TAFA1: variants seen among roughly 807,000 people sequenced by gnomAD.
The protein encoded by TAFA1 is TAFA chemokine like family member 1, also known as chemokine-like protein TAFA-1.
TAFA1 carries 4 observed loss-of-function variants against 18.5 expected under a neutral mutation model. The observed-to-expected ratio is 0.22, with a 90% CI of 0.11 to 0.49. The LOEUF (loss-of-function observed/expected upper bound fraction) is 0.49, where lower values mean the gene tolerates loss of function less well. TAFA1 is among the 20% of genes least tolerant of loss of function. TAFA1 has a pLI of 0.98. For synonymous variants in TAFA1, 56 were observed against 55.2 expected (o/e 1.01, Z -0.06); for missense variants, 147 against 169.0 (o/e 0.87, Z 0.72).
intron 3 of TAFA1, among the ~76,000 whole-genome samples, chr3:68,464,928 TC>T (rs1404937516): frequency 6.6e-6 from 1 of 152,156 alleles, no homozygotes; most frequent in African/African-American, 2.4e-5. Context: ...GTTTCCCCCT[TC>T]TTCCTTAATC....
intron 2 of TAFA1, among the ~76,000 whole-genome samples, chr3:68,387,981 C>G (rs1433448078): frequency 6.6e-6 from 1 of 152,118 alleles, no homozygotes; most frequent in African/African-American, 2.4e-5. Context: ...CTTCCCTGTT[C>G]CACTAAAATA....
Position 68,524,429 on chromosome 3 carries a change from A to T in TAFA1, c.260-14327A>T, listed in dbSNP as rs116064028. On this transcript the variant is annotated intron_variant, in intron 3 of 4. Coordinates refer to ENST00000478136, the MANE Select transcript of TAFA1 (RefSeq NM_213609.4). ...ACAGGCAAAGTCAGTGCACAGAGGC[A>T]GGTGTAGAAGAGGAAGCATTTGTAA... 2.7e-3 allele frequency among the ~76,000 whole-genome samples: 413 copies of T among 152,340 alleles called. 1 individual carries two copies. Among genetic ancestry groups the T allele is most frequent in the African/African-American group, 9.3e-3 (388 of 41,578 alleles).
At chr3:68,037,984 C>A (rs758047751) in intron 2 of TAFA1, among the ~76,000 whole-genome samples, 3 of 152,086 alleles carry the variant, frequency 2.0e-5, no homozygotes, top group Non-Finnish European at 2.9e-5. Context: ...GACAACTTTC[C>A]ATAGATTGCA....
chr3:68,209,250 C>A (rs1012936643), intron 2 of TAFA1, among the ~76,000 whole-genome samples: 2 of 151,956 alleles, frequency 1.3e-5, no homozygotes, highest in African/African-American at 4.8e-5. Flanking sequence ...CTAAAACATG[C>A]CAGCCTCCTG....
chr3:68,502,039 G>A (rs1326509905), intron 3 of TAFA1, among the ~76,000 whole-genome samples: 2 of 152,280 alleles, frequency 1.3e-5, no homozygotes, highest in East Asian at 1.9e-4. Context: ...CTGGGCCTTA[G>A]TACATGGAAA....
At chr3:68,038,675 A>G (rs958972709) in intron 2 of TAFA1, among the ~76,000 whole-genome samples, 1 of 152,204 alleles carries the variant, frequency 6.6e-6, no homozygotes, top group Non-Finnish European at 1.5e-5. Flanking sequence ...TGTTAAAAAA[A>G]AAAAACTTTA....
chr3:68,082,570 C>T (rs1220236144), intron 2 of TAFA1, among the ~76,000 whole-genome samples: 1 of 152,146 alleles, frequency 6.6e-6, no homozygotes, highest in East Asian at 1.9e-4. Context: ...ATGCATAGTA[C>T]TTAAATTATT....
At chr3:68,368,067 G>A (rs959303399) in intron 2 of TAFA1, among the ~76,000 whole-genome samples, 6 of 152,072 alleles carry the variant, frequency 3.9e-5, no homozygotes, top group Admixed American at 6.6e-5. Flanking sequence ...TGAAAAATAA[G>A]CCATTCTACG....
At chr3:68,219,412 AGCACTCTGTT>A (rs1283052688) in intron 2 of TAFA1, among the ~76,000 whole-genome samples, 1 of 152,182 alleles carries the variant, frequency 6.6e-6, no homozygotes. Flanking sequence ...GTCATGTTTT[AGCACTCTGTT>A]ACCCTATCTT....
At chr3:68,264,707 T>C (rs988580802) in intron 2 of TAFA1, among the ~76,000 whole-genome samples, 2 of 151,564 alleles carry the variant, frequency 1.3e-5, no homozygotes, top group African/African-American at 4.9e-5. Flanking sequence ...AAAGTATATA[T>C]AGATAATTTC....
chr3:68,526,347 T>G (rs2073111303), intron 3 of TAFA1, among the ~76,000 whole-genome samples: 1 of 152,208 alleles, frequency 6.6e-6, no homozygotes, highest in Admixed American at 6.5e-5. Flanking sequence ...TATTTAAATT[T>G]TATTTATATC....
chr3:68,069,249 A>G (rs2064722012), intron 2 of TAFA1, among the ~76,000 whole-genome samples: 1 of 152,254 alleles, frequency 6.6e-6, no homozygotes, highest in Non-Finnish European at 1.5e-5. Flanking sequence ...TTAGAGTTCC[A>G]TGTGGCTGGG....
chr3:68,343,241 T>C (rs532089819), intron 2 of TAFA1, among the ~76,000 whole-genome samples: 40 of 152,282 alleles, frequency 2.6e-4, no homozygotes, highest in African/African-American at 9.6e-4. Flanking sequence ...CAAGTATAAG[T>C]CTTCAGACCA....
chr3:68,278,031 A>G (rs914673793), intron 2 of TAFA1, among the ~76,000 whole-genome samples: 12 of 152,140 alleles, frequency 7.9e-5, no homozygotes, highest in Admixed American at 2.6e-4. Flanking sequence ...TCCTTACACA[A>G]ATGAGTGACT....
intron 3 of TAFA1, 133 bp from the exon 4 acceptor site, chr3:68,538,622 TC>T: frequency 1.3e-6 from 1 of 751,014 alleles, no homozygotes; most frequent in East Asian, 2.5e-5. Flanking sequence ...AATAGAGCTT[TC>T]TTAGCTAGTC....
intron 2 of TAFA1, among the ~76,000 whole-genome samples, chr3:68,166,773 G>A (rs1026562443): frequency 6.6e-6 from 1 of 152,102 alleles, no homozygotes; most frequent in East Asian, 1.9e-4. Context: ...GAATCAAATG[G>A]AGGGCAGAAC....
intron 2 of TAFA1, among the ~76,000 whole-genome samples, chr3:68,305,381 ATATATATGAC>A (rs1255136727): frequency 7.2e-6 from 1 of 139,566 alleles, no homozygotes; most frequent in Non-Finnish European, 1.5e-5. Context: ...AAATGGCTAT[ATATATATGAC>A]TATATATGAC....
At chr3:68,168,071 G>A (rs2066006577) in intron 2 of TAFA1, among the ~76,000 whole-genome samples, 1 of 146,244 alleles carries the variant, frequency 6.8e-6, no homozygotes, top group African/African-American at 2.5e-5. Context: ...CCATTTTTAG[G>A]GGCCACTGAT....
chr3:68,422,520 G>C (rs1306526144), intron 3 of TAFA1, among the ~76,000 whole-genome samples: 1 of 152,046 alleles, frequency 6.6e-6, no homozygotes, highest in Non-Finnish European at 1.5e-5. Flanking sequence ...CAAGAGAATA[G>C]CTATCATTTT....
Sources: gnomAD v4.1 joint callset for allele counts (sites outside exome capture counted in the v4.1 genomes callset) on GRCh38, gnomAD v4.1.1 for gene constraint, MANE v1.5 for transcripts, NCBI Gene and HGNC (gene_info 2026-07-23, HGNC 2026-07-21) for gene names.